The following USP30 variants were observed in gnomAD, a reference collection of about 807,000 sequenced individuals.
USP30 encodes the protein ubiquitin carboxyl-terminal hydrolase 30.
A neutral mutation model predicts 68.2 loss-of-function variants in USP30; 41 were observed. The observed-to-expected ratio is 0.60, with a 90% CI of 0.47 to 0.78. The LOEUF (loss-of-function observed/expected upper bound fraction) is 0.78. Among genes scored for constraint, USP30 ranks in the 30% least tolerant of loss-of-function variants. The probability of loss-of-function intolerance (pLI) is 0.00; values close to 1 mark genes in which losing one functional copy is unlikely to be tolerated. For missense variants in USP30, 522 were observed against 649.4 expected (o/e 0.80, Z 2.13); for synonymous variants, 229 against 253.7 (o/e 0.90, Z 0.93).
intron 2 of USP30, 127 bp downstream of exon 2, chr12:109,056,918 G>T: frequency 5.2e-6 from 3 of 571,554 alleles, no homozygotes; most frequent in South Asian, 6.6e-5. Flanking sequence ...TAGGATTTCA[G>T]GTTTTCAAAC....
intron 1 of USP30, among the ~76,000 whole-genome samples, chr12:109,024,159 T>C (rs2040427556): frequency 6.6e-6 from 1 of 152,144 alleles, no homozygotes; most frequent in African/African-American, 2.4e-5. Context: ...AACTACTTCA[T>C]AGGGTGGTGG....
At position 109,085,679 on chromosome 12, in the gene USP30, C is replaced by A; in HGVS notation, c.1302C>A (p.Tyr434Ter). ...TCGTATCATTCAGCTCCTCCACATA[C>A]CTCTTCCGGCTGATGGCAGTTGTCG... is the stretch of plus-strand genomic sequence containing the variant. ...PVVPDYSSST[Y>*]LFRLMAVVVH... The change falls in exon 13 of 13, where the codon TAC becomes TAA. Residue 434 changes from tyrosine (Y) to a stop codon, truncating the protein, a stop_gained. Transcript: ENST00000257548. LOFTEE classifies it high-confidence loss of function. The A allele has an allele frequency of 6.2e-7, 1 of 1,614,168 alleles. No individual in the cohort carries two copies. Among genetic ancestry groups the A allele is most frequent in the Non-Finnish European group, 8.5e-7 (1 of 1,180,030 alleles).
intron 3 of USP30, among the ~76,000 whole-genome samples, chr12:109,029,270 C>G (rs1336979783): frequency 6.6e-6 from 1 of 152,184 alleles, no homozygotes; most frequent in Non-Finnish European, 1.5e-5. Flanking sequence ...CTGTCAAAGA[C>G]AAGTTTATTT....
intron 3 of USP30, among the ~76,000 whole-genome samples, chr12:109,031,843 C>T (rs1477878117): frequency 6.6e-6 from 1 of 152,138 alleles, no homozygotes; most frequent in Non-Finnish European, 1.5e-5. Context: ...ATTACTCGGG[C>T]TTGTAATCCT....
intron 1 of USP30, among the ~76,000 whole-genome samples, chr12:109,024,479 A>C (rs546172236): frequency 2.0e-5 from 3 of 151,978 alleles, no homozygotes; most frequent in Admixed American, 6.6e-5. Context: ...GCTGGCCTCA[A>C]ACTCGTGAGC....
In USP30 at chr12:109,082,256, C is replaced by A. The variant is rs552843882; in HGVS notation, c.867+237C>A. Among the ~76,000 whole-genome samples, 15 of 152,308 alleles carry A rather than the reference C, an allele frequency of 9.8e-5. No individual in the cohort carries two copies. The South Asian group carries it at 3.1e-3, about 32-fold the overall frequency. ...AACTGTCACGCTGAGATGAGAAATG[C>A]CCTCTCCAGTTTGCTGCAGTTGCCT... On this transcript the variant is annotated intron_variant, in intron 9 of 12. Coordinates refer to ENST00000257548, the MANE Select transcript of USP30 (RefSeq NM_032663.5).
intron 3 of USP30, among the ~76,000 whole-genome samples, chr12:109,042,780 G>A (rs1022223800): frequency 6.6e-6 from 1 of 152,026 alleles, no homozygotes; most frequent in Non-Finnish European, 1.5e-5. Context: ...GACATAAAAG[G>A]CATCCAAATC....
chr12:109,084,591 C>T (rs1348766495), intron 11 of USP30, among the ~76,000 whole-genome samples: 1 of 152,156 alleles, frequency 6.6e-6, no homozygotes, highest in Non-Finnish European at 1.5e-5. Context: ...AAAGAATGAT[C>T]CAGCCAAAAC....
intron 3 of USP30, among the ~76,000 whole-genome samples, chr12:109,034,487 G>A (rs181461702): frequency 1.4e-4 from 21 of 152,282 alleles, no homozygotes; most frequent in Non-Finnish European, 2.4e-4. Flanking sequence ...AACGCTTTGG[G>A]AGACTGAGGT....
intron 3 of USP30, 67 bp downstream of exon 3, chr12:109,058,175 TATAAC>T (rs1005678537): frequency 6.8e-7 from 1 of 1,479,168 alleles, no homozygotes; most frequent in African/African-American, 1.4e-5. Context: ...CAGAGACTCT[TATAAC>T]AAAGAGTTAA....
intron 1 of USP30, among the ~76,000 whole-genome samples, chr12:109,056,307 C>T (rs1001731840): frequency 1.3e-5 from 2 of 152,180 alleles, no homozygotes; most frequent in African/African-American, 4.8e-5. Flanking sequence ...ATTCTCCTGC[C>T]TCAGCCTCCC....
Position 109,084,971 on chromosome 12 carries a change from C to G in USP30, c.1187C>G (p.Ala396Gly). 1 of 1,599,584 alleles carries G rather than the reference C, an allele frequency of 6.3e-7. No individual in the cohort carries two copies. Among genetic ancestry groups the G allele is most frequent in the Non-Finnish European group, 8.5e-7 (1 of 1,171,608 alleles). The change falls in exon 12 of 13, where the codon GCC (alanine) becomes GGC (glycine). Residue 396 changes from alanine (A) to glycine (G), a missense_variant. Coordinates refer to ENST00000257548, the MANE Select transcript of USP30 (RefSeq NM_032663.5). ...CTTGCAGTTCTGAATCAGCCAGGGG[C>G]CCCCAAAACACAGATTTTTATGAAT... ...APTPVLNQPG[A>G]PKTQIFMNGA...
At chr12:109,073,408 T>C (rs2041504739) in intron 6 of USP30, 30 bp from the exon 7 acceptor site, 1 of 1,517,758 alleles carries the variant, frequency 6.6e-7, no homozygotes, top group Non-Finnish European at 9.1e-7. Flanking sequence ...GGGCTAAAAG[T>C]GACATATCAA....
chr12:109,055,400 AT>A (rs869090869), intron 1 of USP30, among the ~76,000 whole-genome samples: 154 of 24,458 alleles, frequency 6.3e-3, no homozygotes, highest in African/African-American at 0.013. Context: ...ATATATATAT[AT>A]TTTTTTTTTT....
rs1307765874 is a variant in USP30, at chr12:109,071,493, G to T, written c.481-119G>T. 4 of 748,198 alleles carry T rather than the reference G, an allele frequency of 5.3e-6. No individual in the cohort carries two copies. In the East Asian group the frequency reaches 1.0e-4, roughly 19 times the overall value. The allele number at this position is 748,198 out of a possible 1,614,324, so 46.3% of individuals were successfully genotyped here. On this transcript the variant is annotated intron_variant, in intron 4 of 12. Transcript: ENST00000257548. ...TGTTTTCTTTAATGAGCTGGGCCTT[G>T]AGAAGGTAGAAAGCAAATTCTACCC...
At chr12:109,054,106 A>G (rs2040763509) in intron 1 of USP30, 2 of 454,816 alleles carry the variant, frequency 4.4e-6, no homozygotes, top group Non-Finnish European at 8.8e-6. Flanking sequence ...TGATTAGGGG[A>G]TTTTAAAGCA....
Position 109,081,316 on chromosome 12 carries a change from C to G in USP30, c.721-18C>G. ...TAAGCCTAAATCGTTTCTGGATTTTCTGCAATATTTCTTTCAGAGTCCTGT... is the reference window on the plus strand; with the variant it reads ...TAAGCCTAAATCGTTTCTGGATTTTGTGCAATATTTCTTTCAGAGTCCTGT... On this transcript the variant is annotated intron_variant, in intron 7 of 12. Transcript: ENST00000257548. 6.2e-7 allele frequency: 1 copy of G among 1,613,258 alleles called. No individual in the cohort carries two copies. Among genetic ancestry groups the G allele is most frequent in the Non-Finnish European group, 8.5e-7 (1 of 1,179,770 alleles).
At chr12:109,025,902 G>A (rs897722462) in intron 2 of USP30, among the ~76,000 whole-genome samples, 3 of 152,176 alleles carry the variant, frequency 2.0e-5, no homozygotes, top group East Asian at 1.9e-4. Flanking sequence ...TGCCCAGGCC[G>A]ATCTCAAACT....
upstream of USP30, among the ~76,000 whole-genome samples, chr12:109,051,967 G>C (rs1392567585): frequency 6.6e-6 from 1 of 152,214 alleles, no homozygotes; most frequent in Non-Finnish European, 1.5e-5. Context: ...TCTGGAGACA[G>C]ACAGACCGAA....
Sources: allele counts gnomAD v4.1 joint callset (sites outside exome capture counted in the v4.1 genomes callset), GRCh38; gene constraint gnomAD v4.1.1; transcripts MANE v1.5; gene names NCBI Gene and HGNC (gene_info 2026-07-23, HGNC 2026-07-21).